DLGAP2: variants seen among roughly 807,000 people sequenced by gnomAD.
The protein encoded by DLGAP2 is DLG associated protein 2, also known as disks large-associated protein 2.
In DLGAP2, 26 loss-of-function variants were observed where a neutral mutation model predicts 100.3. That is an observed-to-expected ratio of 0.26 (90% CI 0.19 to 0.36). DLGAP2 has a LOEUF of 0.36. Ranked by LOEUF, DLGAP2 falls within the 10% of genes least tolerant of loss-of-function variation. DLGAP2 has a pLI of 1.00. For missense variants in DLGAP2, 1,858 were observed against 1,453.2 expected (o/e 1.28, Z -4.53); for synonymous variants, 886 against 630.1 (o/e 1.41, Z -6.08).
chr8:1,062,326 G>C (rs1030814897), intron 2 of DLGAP2, among the ~76,000 whole-genome samples: 7 of 152,198 alleles, frequency 4.6e-5, no homozygotes, highest in African/African-American at 1.4e-4. Flanking sequence ...GCCTGGTCCG[G>C]GCTGTGGCTG....
chr8:1,313,110 T>A (rs927315020), intron 3 of DLGAP2, among the ~76,000 whole-genome samples: 2 of 152,216 alleles, frequency 1.3e-5, no homozygotes, highest in Non-Finnish European at 2.9e-5. Context: ...AGATATTTGA[T>A]GTTGCCCCTT....
At chr8:1,451,905 C>A (rs79169547) in intron 3 of DLGAP2, among the ~76,000 whole-genome samples, 1 of 152,268 alleles carries the variant, frequency 6.6e-6, no homozygotes, top group Non-Finnish European at 1.5e-5. Context: ...CCCACACACA[C>A]GGCCCAGGCC....
intron 2 of DLGAP2, among the ~76,000 whole-genome samples, chr8:1,158,605 G>C (rs1400708637): frequency 2.0e-5 from 3 of 152,196 alleles, no homozygotes; most frequent in Non-Finnish European, 4.4e-5. Flanking sequence ...GAAATGAATG[G>C]TTTATGTGGA....
intron 2 of DLGAP2, among the ~76,000 whole-genome samples, chr8:1,163,509 A>G (rs1796932967): frequency 6.6e-6 from 1 of 152,224 alleles, no homozygotes; most frequent in South Asian, 2.1e-4. Flanking sequence ...CAAGATTCCA[A>G]AGACTCGGGA....
At chr8:1,353,808 G>C (rs1407090148) in intron 3 of DLGAP2, among the ~76,000 whole-genome samples, 1 of 152,080 alleles carries the variant, frequency 6.6e-6, no homozygotes, top group Non-Finnish European at 1.5e-5. Context: ...AAAAATATTT[G>C]CAATACATTG....
intron 2 of DLGAP2, among the ~76,000 whole-genome samples, chr8:1,043,413 T>G (rs998946312): frequency 6.6e-6 from 1 of 150,688 alleles, no homozygotes; most frequent in Non-Finnish European, 1.5e-5. Flanking sequence ...ATATAGGTGG[T>G]GGATGTGGGT....
intron 2 of DLGAP2, among the ~76,000 whole-genome samples, chr8:919,673 G>A (rs1036819083): frequency 6.6e-6 from 1 of 152,202 alleles, no homozygotes; most frequent in Non-Finnish European, 1.5e-5. Flanking sequence ...CAAGTCCCTG[G>A]AGGAAACTGC....
At chr8:1,156,527 T>C (rs1326163919) in intron 2 of DLGAP2, among the ~76,000 whole-genome samples, 3 of 151,444 alleles carry the variant, frequency 2.0e-5, no homozygotes, top group African/African-American at 7.3e-5. Flanking sequence ...TCTTTAGGAG[T>C]GGCCCCGACT....
At chr8:1,076,526 C>A (rs942239179) in intron 2 of DLGAP2, among the ~76,000 whole-genome samples, 25 of 152,234 alleles carry the variant, frequency 1.6e-4, no homozygotes, top group African/African-American at 6.0e-4. Flanking sequence ...CGGAAGATGG[C>A]CTCTGGGCTG....
intron 4 of DLGAP2, among the ~76,000 whole-genome samples, chr8:1,533,305 T>C (rs543335438): frequency 6.6e-6 from 1 of 152,198 alleles, no homozygotes; most frequent in African/African-American, 2.4e-5. Flanking sequence ...AAGATCATCC[T>C]GGCTAACATG....
At chr8:1,459,305 C>T (rs999706346) in intron 3 of DLGAP2, among the ~76,000 whole-genome samples, 21 of 150,722 alleles carry the variant, frequency 1.4e-4, no homozygotes, top group African/African-American at 4.7e-4. Flanking sequence ...GACCAGCGTG[C>T]GTCCCAGACA....
At chr8:849,924 C>T (rs571064842) in intron 1 of DLGAP2, among the ~76,000 whole-genome samples, 2 of 152,164 alleles carry the variant, frequency 1.3e-5, no homozygotes, top group Admixed American at 6.5e-5. Flanking sequence ...ATTAGCTGGG[C>T]CTGGTGCTGT....
At chr8:947,737 CGTCACTTTTGAGG>C (rs1799364777) in intron 2 of DLGAP2, among the ~76,000 whole-genome samples, 2 of 152,338 alleles carry the variant, frequency 1.3e-5, no homozygotes, top group African/African-American at 4.8e-5. Flanking sequence ...CATTCCCACC[CGTCACTTTTGAGG>C]ATCCGGCTCC....
intron 3 of DLGAP2, among the ~76,000 whole-genome samples, chr8:1,315,437 G>A (rs1219868244): frequency 2.1e-5 from 3 of 143,242 alleles, no homozygotes; most frequent in African/African-American, 8.2e-5. Context: ...GCGTGTGCGA[G>A]TGCAGCGTCT....
intron 1 of DLGAP2, among the ~76,000 whole-genome samples, chr8:778,810 C>T (rs924266700): frequency 6.6e-6 from 1 of 152,240 alleles, no homozygotes; most frequent in Non-Finnish European, 1.5e-5. Flanking sequence ...TTGTGCCCTG[C>T]CCCCAGAAGT....
chr8:1,599,892 A>G (rs1037886142), intron 6 of DLGAP2, among the ~76,000 whole-genome samples: 11 of 152,254 alleles, frequency 7.2e-5, no homozygotes, highest in African/African-American at 2.6e-4. Flanking sequence ...ATATTGTTAT[A>G]TATGAATTTG....
chr8:1,117,674 C>T (rs533649448), intron 2 of DLGAP2, among the ~76,000 whole-genome samples: 65 of 152,206 alleles, frequency 4.3e-4, no homozygotes, highest in African/African-American at 1.5e-3. Context: ...CTGTGGTTGC[C>T]GGAGTGAGGG....
chr8:1,029,619 G>A (rs548590623), intron 2 of DLGAP2, among the ~76,000 whole-genome samples: 2 of 131,238 alleles, frequency 1.5e-5, no homozygotes, highest in Admixed American at 8.3e-5. Flanking sequence ...TGGCAGGATG[G>A]CCTAGGGTGT....
intron 2 of DLGAP2, among the ~76,000 whole-genome samples, chr8:1,087,454 T>C (rs541756741): frequency 6.6e-6 from 1 of 152,312 alleles, no homozygotes; most frequent in African/African-American, 2.4e-5. Context: ...CATCAAATTG[T>C]GTGTGACTCT....
Sources: allele counts gnomAD v4.1 joint callset (sites outside exome capture counted in the v4.1 genomes callset), GRCh38; gene constraint gnomAD v4.1.1; transcripts MANE v1.5; gene names NCBI Gene and HGNC (gene_info 2026-07-23, HGNC 2026-07-21).